The following TENM2 variants were observed in gnomAD, a reference collection of about 807,000 sequenced individuals.
TENM2 encodes teneurin-2.
In TENM2, 52 loss-of-function variants were observed where a neutral mutation model predicts 245.2. The ratio of observed to expected loss-of-function variants is 0.21; its 90% CI spans 0.17 to 0.27. The LOEUF (loss-of-function observed/expected upper bound fraction) is 0.27. TENM2 is among the 10% of genes least tolerant of loss of function. The pLI is 1.00. For missense variants in TENM2, 3,046 were observed against 3,666.8 expected (o/e 0.83, Z 4.37); for synonymous variants, 1,363 against 1,438.9 (o/e 0.95, Z 1.19).
the TENM2 span, among the ~76,000 whole-genome samples, chr5:167,142,524 A>G: frequency 6.6e-6 from 1 of 151,888 alleles, no homozygotes; most frequent in African/African-American, 2.4e-5. Flanking sequence ...TAGAAGTATC[A>G]TTCAATCTCT....
intron 2 of TENM2, among the ~76,000 whole-genome samples, chr5:167,534,347 A>G (rs138525980): frequency 1.3e-5 from 2 of 152,232 alleles, no homozygotes; most frequent in East Asian, 1.9e-4. Flanking sequence ...GAGCGTGAAA[A>G]CCACTTTAAT....
the TENM2 span, among the ~76,000 whole-genome samples, chr5:167,082,654 C>A: frequency 1.3e-5 from 2 of 152,128 alleles, no homozygotes; most frequent in Admixed American, 6.6e-5. Context: ...TCTTAGTTTG[C>A]AACTACTGTG....
intron 1 of TENM2, chr5:167,297,402 C>A (rs1267200153): frequency 6.6e-6 from 1 of 152,212 alleles, no homozygotes; most frequent in Non-Finnish European, 1.5e-5. Flanking sequence ...ATTCTTCTGG[C>A]ACCCCTGCTT....
chr5:167,600,982 C>T (rs927095649), intron 2 of TENM2, among the ~76,000 whole-genome samples: 18 of 152,188 alleles, frequency 1.2e-4, no homozygotes, highest in Non-Finnish European at 4.4e-5. Context: ...AATTTATTCA[C>T]TCATCAAATA....
At chr5:167,634,760 T>G (rs984443810) in intron 2 of TENM2, among the ~76,000 whole-genome samples, 10 of 152,108 alleles carry the variant, frequency 6.6e-5, no homozygotes, top group Admixed American at 6.5e-4. Flanking sequence ...AAACAAACCT[T>G]CAGTCTACCC....
intron 23 of TENM2, among the ~76,000 whole-genome samples, chr5:168,221,468 G>A (rs557254446): frequency 7.9e-5 from 12 of 152,306 alleles, no homozygotes; most frequent in Middle Eastern, 3.4e-3. Context: ...GCACACTAGC[G>A]TTGTAAAGCA....
chr5:167,888,811 T>A (rs187547103), intron 3 of TENM2, among the ~76,000 whole-genome samples: 14 of 152,328 alleles, frequency 9.2e-5, no homozygotes, highest in African/African-American at 1.9e-4. Flanking sequence ...TTATCCTTAT[T>A]CCTTTCTGGT....
the TENM2 span, among the ~76,000 whole-genome samples, chr5:167,263,415 C>T: frequency 6.6e-6 from 1 of 152,058 alleles, no homozygotes; most frequent in Non-Finnish European, 1.5e-5. Context: ...ATGCAGAAAC[C>T]CTGCTCCTTC....
At chr5:167,440,816 G>GTGTGC (rs1190035561) in intron 2 of TENM2, among the ~76,000 whole-genome samples, 1 of 151,678 alleles carries the variant, frequency 6.6e-6, no homozygotes, top group Non-Finnish European at 1.5e-5. Context: ...TGCATCTACA[G>GTGTGC]TGTGCTTGGA....
the TENM2 span, among the ~76,000 whole-genome samples, chr5:167,193,643 A>C: frequency 6.6e-6 from 1 of 151,242 alleles, no homozygotes; most frequent in Admixed American, 6.6e-5. Flanking sequence ...TGAAGTTCAT[A>C]CTATCACTTG....
At chr5:167,292,668 G>A (rs927258842) in intron 1 of TENM2, among the ~76,000 whole-genome samples, 1 of 152,202 alleles carries the variant, frequency 6.6e-6, no homozygotes, top group Non-Finnish European at 1.5e-5. Context: ...ACTGCAATTT[G>A]TGGGACACAA....
intron 4 of TENM2, among the ~76,000 whole-genome samples, chr5:167,982,636 G>T (rs1435193714): frequency 6.6e-6 from 1 of 152,108 alleles, no homozygotes; most frequent in East Asian, 1.9e-4. Context: ...CCCACATCAT[G>T]CAGCTCCTGG....
At chr5:168,199,835 T>A in intron 16 of TENM2, 29 bp from the exon 19 acceptor site, 3 of 1,605,868 alleles carry the variant, frequency 1.9e-6, no homozygotes, top group Non-Finnish European at 2.6e-6. Flanking sequence ...GTGTTTTAGG[T>A]GTGTGTCTGC....
intron 2 of TENM2, among the ~76,000 whole-genome samples, chr5:167,758,686 T>C (rs542719217): frequency 6.6e-6 from 1 of 152,276 alleles, no homozygotes; most frequent in South Asian, 2.1e-4. Context: ...ATTCTGTACA[T>C]GGAAACATTT....
chr5:167,108,416 G>C, the TENM2 span, among the ~76,000 whole-genome samples: 1 of 152,138 alleles, frequency 6.6e-6, no homozygotes, highest in African/African-American at 2.4e-5. Flanking sequence ...GTGAGTCACC[G>C]CGCCCGGCCA....
In TENM2 at chr5:168,093,023, A is replaced by T. The variant is rs146231983; in HGVS notation, c.1711+2254A>T. 1.5e-4 allele frequency among the ~76,000 whole-genome samples: 23 copies of T among 152,348 alleles called. No individual in the cohort carries two copies. In the East Asian group the frequency reaches 4.1e-3, roughly 27 times the overall value. ...GAGGAAGCCAAGACTAAATGCAGTT[A>T]AAAAACTTGCCCAAGGTCACACACA... is the stretch of plus-strand genomic sequence containing the variant. On this transcript the variant is annotated intron_variant, in intron 8 of 28. Transcript: ENST00000518659.
chr5:168,187,927 G>T (rs1367932399), intron 13 of TENM2, among the ~76,000 whole-genome samples: 2 of 152,100 alleles, frequency 1.3e-5, no homozygotes, highest in East Asian at 3.9e-4. Flanking sequence ...AAGTGTGCAT[G>T]CCTGCTCACC....
At chr5:167,911,752 G>GT (rs1776574309) in intron 3 of TENM2, among the ~76,000 whole-genome samples, 1 of 152,156 alleles carries the variant, frequency 6.6e-6, no homozygotes, top group African/African-American at 2.4e-5. Flanking sequence ...GTGCCAGGCA[G>GT]TGTCCTTGTC....
At chr5:168,251,268 C>A (rs139699681) in intron 27 of TENM2, among the ~76,000 whole-genome samples, 6 of 152,332 alleles carry the variant, frequency 3.9e-5, no homozygotes, top group African/African-American at 1.4e-4. Context: ...GCCTCACTGA[C>A]CCCCTCAGCT....
Sources: gnomAD v4.1 joint callset for allele counts (sites outside exome capture counted in the v4.1 genomes callset) on GRCh38, gnomAD v4.1.1 for gene constraint, MANE v1.5 for transcripts, NCBI Gene and HGNC (gene_info 2026-07-23, HGNC 2026-07-21) for gene names.